LGI2: variants seen among roughly 807,000 people sequenced by gnomAD.
LGI2 encodes the protein leucine-rich repeat LGI family member 2.
A neutral mutation model predicts 52.0 loss-of-function variants in LGI2; 30 were observed. The observed-to-expected ratio is 0.58, with a 90% CI of 0.43 to 0.78. The LOEUF (loss-of-function observed/expected upper bound fraction) is 0.78. Ranked by LOEUF, LGI2 falls within the 30% of genes least tolerant of loss-of-function variation. The pLI is 0.00. For synonymous variants in LGI2, 270 were observed against 271.8 expected (o/e 0.99, Z 0.06); for missense variants, 573 against 692.5 (o/e 0.83, Z 1.94).
At position 25,004,489 on chromosome 4, in the gene LGI2, G is replaced by A. The variant is rs1725342004; in HGVS notation, c.821-221C>T. On this transcript the variant is annotated intron_variant, in intron 7 of 7. Transcript: ENST00000382114. This position sits in a 1 kb window ranked among gnomAD's most constrained non-coding sequence, Gnocchi z 4.6. Reference sequence around the variant, plus strand: ...ATAATTGAAAGCAGTGACTCAAAGAGATATCTGTACACCTAATGCTATAGA... The same window carrying A: ...ATAATTGAAAGCAGTGACTCAAAGAAATATCTGTACACCTAATGCTATAGA... Among the ~76,000 whole-genome samples the A allele has an allele frequency of 6.6e-6, 1 of 152,198 alleles. No individual in the cohort carries two copies. Among genetic ancestry groups the A allele is most frequent in the Admixed American group, 6.5e-5 (1 of 15,286 alleles).
chr4:25,012,474 G>T lies in LGI2; in HGVS notation c.681C>A (p.Pro227=). Residue 227 remains proline (P), a synonymous_variant, in exon 7 of 8, where the codon CCC becomes CCA. Transcript: ENST00000382114. ...ACGTATCCACTGAAACCGACTGGTA[G>T]GGTAAAGTCTGATGAACAACAAAAT... is the stretch of plus-strand genomic sequence containing the variant. ...TTDFVVHQTL[P]YQSVSVDTFN... 6.2e-7 allele frequency: 1 copy of T among 1,614,144 alleles called. No individual in the cohort carries two copies. Among genetic ancestry groups the T allele is most frequent in the Non-Finnish European group, 8.5e-7 (1 of 1,179,992 alleles).
chr4:25,028,575 G>C lies in LGI2; in HGVS notation c.201C>G (p.Ser67Arg), dbSNP rs1227211898. Residue 67 changes from serine to arginine, a missense_variant, in exon 2 of 8, where the codon AGC becomes AGG. Physicochemically the swap from Ser to Arg is moderately radical, Grantham distance 110. Transcript: ENST00000382114. Reference sequence around the variant, plus strand: ...TTTCTGAAAACGTCCCATTTACCAGGCTCCTACGGGCAAAAGATGAACAAA... The same window carrying C: ...TTTCTGAAAACGTCCCATTTACCAGCCTCCTACGGGCAAAAGATGAACAAA... ...RIVPGDISSL[S>R]LVNGTFSEIK... The C allele has an allele frequency of 1.2e-6, 2 of 1,611,982 alleles. No individual in the cohort carries two copies. The highest frequency in any genetic ancestry group is 1.7e-5 in the Admixed American group (1 of 59,764).
chr4:24,994,234 T>A (rs1483771679), downstream of LGI2, among the ~76,000 whole-genome samples: 2 of 152,200 alleles, frequency 1.3e-5, no homozygotes, highest in African/African-American at 4.8e-5. Context: ...CTGGTCTGTT[T>A]CATACCAGAA....
chr4:24,996,513 G>T (rs1398993662), downstream of LGI2, among the ~76,000 whole-genome samples: 2 of 152,194 alleles, frequency 1.3e-5, no homozygotes, highest in African/African-American at 4.8e-5. Context: ...AGAAATAAAA[G>T]CAGGAGACGA....
chr4:25,006,694 T>C (rs1055861785), intron 7 of LGI2, among the ~76,000 whole-genome samples: 1 of 152,250 alleles, frequency 6.6e-6, no homozygotes, highest in Non-Finnish European at 1.5e-5. Context: ...TTTACATGCA[T>C]TTACTTATTT....
In LGI2 at chr4:25,003,301, G is replaced by T; in HGVS notation, c.*150C>A. On this transcript the variant is annotated 3_prime_UTR_variant, in exon 8 of 8. Transcript: ENST00000382114. ...AATAAATGCAATCCCTGATTAAAATGTGAGTTCTAAAAGTTTGAAAACATC... is the reference window on the plus strand; with the variant it reads ...AATAAATGCAATCCCTGATTAAAATTTGAGTTCTAAAAGTTTGAAAACATC... The T allele has an allele frequency of 3.4e-6, 2 of 583,620 alleles. No homozygotes were observed. Among genetic ancestry groups the T allele is most frequent in the Non-Finnish European group, 2.9e-6 (1 of 341,014 alleles). The allele number at this position is 583,620 out of a possible 1,614,324, so 36.2% of individuals were successfully genotyped here.
rs563540327 is a variant in LGI2 at position 25,008,382 on chromosome 4, G to A, written c.820+3953C>T. ...TCCAAGGCCAACATGGTGAAACCCC[G>A]TCTCTACTAAAAATACAAAAATTAT... is the stretch of plus-strand genomic sequence containing the variant. On this transcript the variant is annotated intron_variant, in intron 7 of 7. Coordinates refer to ENST00000382114, the MANE Select transcript of LGI2 (RefSeq NM_018176.4). Among the ~76,000 whole-genome samples the A allele has an allele frequency of 2.7e-3, 406 of 151,998 alleles. 1 individual carries two copies. The highest frequency in any genetic ancestry group is 6.9e-3 in the Admixed American group (106 of 15,256).
In LGI2 at chr4:25,018,152, C is replaced by T. The variant is rs144396382; in HGVS notation, c.492G>A (p.Leu164=). 2.5e-6 allele frequency: 4 copies of T among 1,590,416 alleles called. No individual in the cohort carries two copies. The African/African-American group carries it at 5.4e-5, about 22-fold the overall frequency. Residue 164 remains leucine (L), a synonymous_variant, in exon 6 of 8, where the codon TTG becomes TTA. Coordinates refer to ENST00000382114, the MANE Select transcript of LGI2 (RefSeq NM_018176.4). ...AGTCACATTCAAATTTATTACCCCT[C>T]AAATCTCTAAAAATCAAAATAAAAC... is the stretch of plus-strand genomic sequence containing the variant. The part of the protein sequence containing the change: ...SDLDSLIELD[L]RGNKFECDCK...
intron 3 of LGI2, 118 bp from the exon 4 acceptor site, chr4:25,025,009 C>A (rs1197537386): frequency 1.5e-6 from 1 of 679,718 alleles, no homozygotes; most frequent in East Asian, 2.8e-5. Flanking sequence ...AAGAATTGAT[C>A]TCTGAAGACT....
At chr4:25,020,075 A>G (rs986903619) in intron 4 of LGI2, among the ~76,000 whole-genome samples, 3 of 152,206 alleles carry the variant, frequency 2.0e-5, no homozygotes, top group East Asian at 3.9e-4. Flanking sequence ...AGTGAATTCT[A>G]TTACTCGTGA....
At chr4:24,995,438 T>C (rs906762129), downstream of LGI2, among the ~76,000 whole-genome samples, 8 of 152,212 alleles carry the variant, frequency 5.3e-5, no homozygotes, top group African/African-American at 1.9e-4. Flanking sequence ...AGTCAAGACA[T>C]TGGCCAGGTC....
the LGI2 span, among the ~76,000 whole-genome samples, chr4:24,993,396 T>C: frequency 0.12 from 18,960 of 152,156 alleles, 1,337 homozygotes; most frequent in East Asian, 0.22. Flanking sequence ...GTCCTGAGAA[T>C]AAATGAGTTA....
intron 7 of LGI2, among the ~76,000 whole-genome samples, chr4:25,010,379 TCAGCCCTGAATAAACA>T (rs1725540807): frequency 6.6e-6 from 1 of 152,176 alleles, no homozygotes; most frequent in African/African-American, 2.4e-5. Context: ...AACCCTGGGC[TCAGCCCTGAATAAACA>T]GTGGGTGACT....
At chr4:25,019,928 C>A (rs1205805844) in intron 4 of LGI2, among the ~76,000 whole-genome samples, 1 of 152,294 alleles carries the variant, frequency 6.6e-6, no homozygotes, top group East Asian at 1.9e-4. Context: ...TGCTGTATCC[C>A]CAGTTCCTAG....
At chr4:24,993,888 G>A (rs777229171), downstream of LGI2, among the ~76,000 whole-genome samples, 2 of 152,170 alleles carry the variant, frequency 1.3e-5, no homozygotes, top group African/African-American at 4.8e-5. Context: ...TGTGCAGAAC[G>A]TAAATGCAGA....
At chr4:24,992,531 T>A in the LGI2 span, among the ~76,000 whole-genome samples, 122 of 150,798 alleles carry the variant, frequency 8.1e-4, no homozygotes, top group Middle Eastern at 3.4e-3. Flanking sequence ...CTGGCCAACA[T>A]AGTGAAACCC....
chr4:25,026,209 A>G (rs953365251), intron 3 of LGI2, among the ~76,000 whole-genome samples: 12 of 151,904 alleles, frequency 7.9e-5, no homozygotes, highest in African/African-American at 2.9e-4. Flanking sequence ...CCCATCTGAT[A>G]GCAGGATTAA....
Position 25,003,052 on chromosome 4 carries a change from C to G in LGI2, c.*399G>C, listed in dbSNP as rs1238550063. ...AGACTTTTGGCTTTAAGAGTTCTTA[C>G]CAAAAAGATTGCTAAAGTGGAATGA... is the stretch of plus-strand genomic sequence containing the variant. On this transcript the variant is annotated 3_prime_UTR_variant, in exon 8 of 8. Coordinates refer to ENST00000382114, the MANE Select transcript of LGI2 (RefSeq NM_018176.4). 1 of 156,210 alleles carries G rather than the reference C, an allele frequency of 6.4e-6. No homozygotes were observed. Among genetic ancestry groups the G allele is most frequent in the East Asian group, 1.9e-4 (1 of 5,318 alleles). The allele number at this position is 156,210 out of a possible 1,614,324, so 9.7% of individuals were successfully genotyped here. A position where few individuals can be genotyped will look rare whatever the true frequency, so the allele number is the denominator to read the frequency against.
Position 25,017,997 on chromosome 4 carries a change from G to A in LGI2, c.647C>T (p.Thr216Ile), listed in dbSNP as rs200557018. 5.9e-5 allele frequency: 95 copies of A among 1,609,414 alleles called. No individual in the cohort carries two copies. The highest frequency in any genetic ancestry group is 7.5e-5 in the Non-Finnish European group (88 of 1,178,586). ...AGATAGGCTCTGAATACCTGTAGTT[G>A]TGCATTCATAGTCAAAGCTGGTCAC... ...NDVTSFDYEC[T>I]TTDFVVHQTL... Residue 216 changes from threonine to isoleucine, a missense_variant, in exon 6 of 8, where the codon ACA becomes ATA. Coordinates refer to ENST00000382114, the MANE Select transcript of LGI2 (RefSeq NM_018176.4).
Sources: gnomAD v4.1 joint callset for allele counts (sites outside exome capture counted in the v4.1 genomes callset) on GRCh38, gnomAD v4.1.1 for gene constraint, Gnocchi (gnomAD v3.1) non-coding constraint, MANE v1.5 for transcripts, NCBI Gene and HGNC (gene_info 2026-07-23, HGNC 2026-07-21) for gene names.